Variants in APBB2 observed in about 807,000 individuals in gnomAD.
The protein encoded by APBB2 is Fe65-like 1.
APBB2 carries 38 observed loss-of-function variants against 82.5 expected under a neutral mutation model. The observed-to-expected ratio is 0.46, with a 90% CI of 0.36 to 0.60. APBB2 has a LOEUF of 0.60. APBB2 is among the 20% of genes least tolerant of loss of function. The probability of loss-of-function intolerance (pLI) is 0.00; values close to 1 mark genes in which losing one functional copy is unlikely to be tolerated. For synonymous variants in APBB2, 341 were observed against 368.2 expected, an observed-to-expected ratio of 0.93 and a Z score of 0.85; for missense variants, 772 against 972.3, an observed-to-expected ratio of 0.79 and a Z score of 2.74.
chr4:40,819,470 G>A (rs961586786), intron 17 of APBB2, among the ~76,000 whole-genome samples: 1 of 152,064 alleles, frequency 6.6e-6, no homozygotes, highest in Non-Finnish European at 1.5e-5. Flanking sequence ...ACAGGCGTGA[G>A]CTACTGTGCC....
chr4:40,934,856 T>C (rs1785021531), intron 8 of APBB2, 157 bp from the exon 9 acceptor site: 1 of 683,986 alleles, frequency 1.5e-6, no homozygotes, highest in Admixed American at 2.8e-5. Context: ...TGCTGACTGG[T>C]GCAAACTCCT....
intron 6 of APBB2, among the ~76,000 whole-genome samples, chr4:40,979,785 A>T (rs746792668): frequency 1.6e-4 from 25 of 152,136 alleles, no homozygotes; most frequent in Non-Finnish European, 3.2e-4. Flanking sequence ...TTGGAAGAGG[A>T]CCCCATGTCT....
rs774467397 is a variant in APBB2, at chr4:40,811,557, A to T, written c.*4535T>A. On this transcript the variant is annotated 3_prime_UTR_variant, in exon 18 of 18. Coordinates refer to ENST00000508593, the MANE Select transcript of APBB2 (RefSeq NM_004307.2). ...TCCTCTGTCTGAAGAAAAAAAAAAA[A>T]AGCAATATGAGGGAATTCTAATGAA... 2.0e-5 allele frequency: 3 copies of T among 151,628 alleles called. No individual in the cohort carries two copies. The South Asian group carries it at 6.2e-4, about 31-fold the overall frequency. The allele number at this position is 151,628 out of a possible 1,614,324, so 9.4% of individuals were successfully genotyped here. A position where few individuals can be genotyped will look rare whatever the true frequency, so the allele number is the denominator to read the frequency against.
At chr4:40,990,789 T>C (rs1218615889) in intron 6 of APBB2, among the ~76,000 whole-genome samples, 1 of 152,168 alleles carries the variant, frequency 6.6e-6, no homozygotes, top group East Asian at 1.9e-4. Context: ...TGTGTCATCA[T>C]CCTACTCCAA....
chr4:41,034,903 A>G (rs933818116), intron 4 of APBB2, among the ~76,000 whole-genome samples: 5 of 152,272 alleles, frequency 3.3e-5, no homozygotes, highest in Non-Finnish European at 5.9e-5. Flanking sequence ...AATGTCACTC[A>G]GAATGATAAC....
At chr4:41,167,327 C>T (rs763464832) in intron 1 of APBB2, among the ~76,000 whole-genome samples, 1 of 152,256 alleles carries the variant, frequency 6.6e-6, no homozygotes, top group African/African-American at 2.4e-5. Flanking sequence ...TCATCTCCCT[C>T]GAGGTCTGAA....
intron 4 of APBB2, among the ~76,000 whole-genome samples, chr4:41,039,698 A>G (rs1720600639): frequency 6.6e-6 from 1 of 152,142 alleles, no homozygotes. Flanking sequence ...CATCTCCACA[A>G]AAAATTTAAA....
rs62303777 is a variant in APBB2 at position 40,830,489 on chromosome 4, T to C, written c.1618A>G (p.Thr540Ala). The C allele has an allele frequency of 3.7e-6, 6 of 1,614,112 alleles. No individual in the cohort carries two copies. The highest frequency in any genetic ancestry group is 5.1e-6 in the Non-Finnish European group (6 of 1,179,948). The change falls in exon 13 of 18, where the codon ACA becomes GCA. Residue 540 changes from threonine to alanine, a missense_variant. Thr to Ala is a moderately conservative substitution (Grantham distance 58). Transcript: ENST00000508593. ...TTGGAGCAGATCTCGTGGAGACTTG[T>C]GGCAATGGCTTTTGCTGGTGTGTCA... is the stretch of plus-strand genomic sequence containing the variant. Reference protein sequence around the residue: ...RCDTPAKAIATSLHEICSKIM... With the variant: ...RCDTPAKAIAASLHEICSKIM...
At chr4:41,199,193 A>AT (rs33981637) in intron 1 of APBB2, among the ~76,000 whole-genome samples, 27,569 of 152,072 alleles carry the variant, frequency 0.18, 3,156 homozygotes, top group African/African-American at 0.32. Flanking sequence ...GATGCCCTCA[A>AT]TAGAACTGAC....
intron 17 of APBB2, among the ~76,000 whole-genome samples, chr4:40,819,343 G>A (rs1351696245): frequency 1.3e-5 from 2 of 151,672 alleles, no homozygotes; most frequent in African/African-American, 4.8e-5. Flanking sequence ...ATGCCACCAC[G>A]CTCGGCTAAT....
chr4:40,836,860 C>T (rs1289175172), intron 12 of APBB2, among the ~76,000 whole-genome samples: 2 of 152,288 alleles, frequency 1.3e-5, no homozygotes, highest in East Asian at 3.9e-4. Context: ...TTACTCTTCT[C>T]CTTCTGGAAC....
intron 12 of APBB2, among the ~76,000 whole-genome samples, chr4:40,833,123 T>C (rs1019748429): frequency 6.6e-6 from 1 of 152,184 alleles, no homozygotes; most frequent in Non-Finnish European, 1.5e-5. Context: ...TTGCTTCTGG[T>C]TCTCCTCCCT....
intron 12 of APBB2, among the ~76,000 whole-genome samples, chr4:40,887,904 G>A (rs1770791354): frequency 6.6e-6 from 1 of 152,136 alleles, no homozygotes; most frequent in African/African-American, 2.4e-5. Flanking sequence ...CATAACCAAG[G>A]CAATGTAACC....
intron 5 of APBB2, 86 bp downstream of exon 5, chr4:41,033,150 A>G (rs991339497): frequency 8.0e-5 from 70 of 876,324 alleles, no homozygotes; most frequent in Middle Eastern, 3.0e-4. Flanking sequence ...TTAGCAAATC[A>G]TAAGTTTAAC....
intron 3 of APBB2, among the ~76,000 whole-genome samples, chr4:41,070,531 A>G (rs1733454892): frequency 6.6e-6 from 1 of 152,096 alleles, no homozygotes; most frequent in Admixed American, 6.5e-5. Flanking sequence ...TGAGCTCCTG[A>G]CCTCAAGCGA....
intron 10 of APBB2, among the ~76,000 whole-genome samples, chr4:40,901,909 A>ATGTGTGTGTGTGTGTGTGTGTGTGTG (rs35766512): frequency 1.2e-4 from 17 of 145,436 alleles, no homozygotes; most frequent in African/African-American, 4.1e-4. Context: ...ATCCAAAATT[A>ATGTGTGTGTGTGTGTGTGTGTGTGTG]TGTGTGTGTG....
chr4:40,913,687 A>C (rs1412691240), intron 10 of APBB2, among the ~76,000 whole-genome samples: 1 of 152,064 alleles, frequency 6.6e-6, no homozygotes, highest in African/African-American at 2.4e-5. Flanking sequence ...ACATTCCCCT[A>C]TCTTGTTTCA....
chr4:41,097,585 C>T (rs543180748), intron 3 of APBB2, among the ~76,000 whole-genome samples: 19 of 152,256 alleles, frequency 1.2e-4, no homozygotes, highest in African/African-American at 4.6e-4. Context: ...AAACTTGCTG[C>T]ATACTCATTT....
At chr4:40,827,010 GCTTA>G in intron 14 of APBB2, 118 bp downstream of exon 14, 1 of 851,184 alleles carries the variant, frequency 1.2e-6, no homozygotes. Flanking sequence ...CTCAACTTGT[GCTTA>G]CTGAGTTGAG....
Sources: allele counts gnomAD v4.1 joint callset (sites outside exome capture counted in the v4.1 genomes callset), GRCh38; gene constraint gnomAD v4.1.1; transcripts MANE v1.5; gene names NCBI Gene and HGNC (gene_info 2026-07-23, HGNC 2026-07-21).